KHDRBS2: variants seen among roughly 807,000 people sequenced by gnomAD.
KHDRBS2 encodes KH domain-containing, RNA-binding, signal transduction-associated protein 2.
In KHDRBS2, 26 loss-of-function variants were observed where a neutral mutation model predicts 44.3. The ratio of observed to expected loss-of-function variants is 0.59; its 90% CI spans 0.43 to 0.81. The LOEUF is 0.81. Ranked by LOEUF, KHDRBS2 falls within the 40% of genes least tolerant of loss-of-function variation. KHDRBS2 has a pLI of 0.00. For synonymous variants in KHDRBS2, 194 were observed against 151.1 expected, an observed-to-expected ratio of 1.28 and a Z score of -2.08; for missense variants, 476 against 433.1, an observed-to-expected ratio of 1.10 and a Z score of -0.88.
chr6:61,915,813 T>C (rs1200585075), intron 4 of KHDRBS2, among the ~76,000 whole-genome samples: 1 of 152,004 alleles, frequency 6.6e-6, no homozygotes, highest in Non-Finnish European at 1.5e-5. Flanking sequence ...GAGATTGAAG[T>C]CTTAGGACTT....
intron 4 of KHDRBS2, among the ~76,000 whole-genome samples, chr6:61,955,099 T>C (rs557385448): frequency 4.9e-5 from 6 of 121,828 alleles, no homozygotes; most frequent in East Asian, 5.6e-4. Context: ...TACATATATG[T>C]ATATATACAC....
intron 2 of KHDRBS2, among the ~76,000 whole-genome samples, chr6:62,105,499 G>C (rs1802987661): frequency 6.6e-6 from 1 of 152,126 alleles, no homozygotes; most frequent in African/African-American, 2.4e-5. Context: ...TCCTGGTTTA[G>C]TCTTGGGAGG....
chr6:62,060,182 G>A (rs1239419714), intron 2 of KHDRBS2, among the ~76,000 whole-genome samples: 2 of 151,738 alleles, frequency 1.3e-5, no homozygotes, highest in African/African-American at 2.4e-5. Context: ...CGTTTTGAAG[G>A]GGTGATATAG....
chr6:61,756,100 G>A (rs1461023793), intron 6 of KHDRBS2, among the ~76,000 whole-genome samples: 1 of 151,556 alleles, frequency 6.6e-6, no homozygotes, highest in Non-Finnish European at 1.5e-5. Flanking sequence ...CTTCTGGCAG[G>A]GAAAGTTTAT....
At chr6:62,074,902 T>C (rs704494) in intron 2 of KHDRBS2, among the ~76,000 whole-genome samples, 1,807 of 152,084 alleles carry the variant, frequency 0.012, 14 homozygotes, top group Middle Eastern at 0.031. Flanking sequence ...ATGACAATTT[T>C]CCTGTTTAAT....
chr6:61,962,982 A>C (rs531425619), intron 4 of KHDRBS2, among the ~76,000 whole-genome samples: 61 of 152,232 alleles, frequency 4.0e-4, no homozygotes, highest in Middle Eastern at 6.8e-3. Flanking sequence ...TCTCAATGCT[A>C]AATATTTGTG....
Position 61,721,948 on chromosome 6 carries a change from G to A in KHDRBS2, c.893+10734C>T, listed in dbSNP as rs180972669. Among the ~76,000 whole-genome samples the A allele has an allele frequency of 8.9e-3, 1,294 of 145,784 alleles. 14 individuals carry two copies. Among genetic ancestry groups the A allele is most frequent in the Non-Finnish European group, 0.012 (826 of 66,442 alleles). On this transcript the variant is annotated intron_variant, in intron 7 of 8. Coordinates refer to ENST00000281156, the MANE Select transcript of KHDRBS2 (RefSeq NM_152688.4). The stretch of plus-strand genomic sequence containing the variant: ...GATAGCTCTTATTATTTTGAGATAC[G>A]TCCAATCAATACCTAATTTATTGAG...
At chr6:61,750,632 A>G (rs1410222158) in intron 6 of KHDRBS2, among the ~76,000 whole-genome samples, 1 of 152,188 alleles carries the variant, frequency 6.6e-6, no homozygotes, top group Non-Finnish European at 1.5e-5. Context: ...GTCTTTAGAC[A>G]AAACCGTCTT....
intron 2 of KHDRBS2, among the ~76,000 whole-genome samples, chr6:62,173,183 C>T (rs1343895009): frequency 1.3e-5 from 2 of 150,020 alleles, no homozygotes; most frequent in African/African-American, 2.5e-5. Context: ...AAACCACTAG[C>T]TAGACTAATA....
chr6:61,693,655 G>T (rs1052668963), intron 8 of KHDRBS2, among the ~76,000 whole-genome samples: 1 of 152,104 alleles, frequency 6.6e-6, no homozygotes, highest in Non-Finnish European at 1.5e-5. Flanking sequence ...TTATTATGAA[G>T]AATTTATTGG....
intron 6 of KHDRBS2, among the ~76,000 whole-genome samples, chr6:61,786,824 C>T (rs929412941): frequency 6.6e-6 from 1 of 151,768 alleles, no homozygotes; most frequent in Non-Finnish European, 1.5e-5. Flanking sequence ...CAAATACTCA[C>T]ACACATGTAC....
At chr6:61,956,935 T>TCATCATCATCAC (rs1767492560) in intron 4 of KHDRBS2, among the ~76,000 whole-genome samples, 2 of 151,644 alleles carry the variant, frequency 1.3e-5, no homozygotes, top group African/African-American at 4.9e-5. Context: ...ATCATCATCA[T>TCATCATCATCAC]CATCATCTGT....
chr6:61,600,292 C>T, the KHDRBS2 span, among the ~76,000 whole-genome samples: 2 of 152,082 alleles, frequency 1.3e-5, no homozygotes, highest in Admixed American at 6.5e-5. Flanking sequence ...GTGAAAATGG[C>T]CTGTTCCTGC....
At chr6:62,108,851 A>T (rs1215501761) in intron 2 of KHDRBS2, among the ~76,000 whole-genome samples, 1 of 152,196 alleles carries the variant, frequency 6.6e-6, no homozygotes, top group Non-Finnish European at 1.5e-5. Flanking sequence ...CAAGGACAAA[A>T]AACCAAACAC....
chr6:61,946,620 G>A (rs1047480500), intron 4 of KHDRBS2, among the ~76,000 whole-genome samples: 3 of 152,070 alleles, frequency 2.0e-5, no homozygotes, highest in African/African-American at 7.2e-5. Flanking sequence ...GAAGAAGTGT[G>A]GGCTAGAGAG....
the KHDRBS2 span, among the ~76,000 whole-genome samples, chr6:61,551,186 G>T: frequency 6.6e-6 from 1 of 151,994 alleles, no homozygotes; most frequent in South Asian, 2.1e-4. Context: ...AGCGTCTGTT[G>T]TCCTCTGACC....
At chr6:61,607,142 A>T in the KHDRBS2 span, among the ~76,000 whole-genome samples, 3 of 152,090 alleles carry the variant, frequency 2.0e-5, no homozygotes, top group Non-Finnish European at 4.4e-5. Context: ...AATCATAAAA[A>T]AGGACAAAGT....
intron 2 of KHDRBS2, among the ~76,000 whole-genome samples, chr6:62,073,165 A>G (rs1369985929): frequency 1.3e-5 from 2 of 151,850 alleles, no homozygotes; most frequent in African/African-American, 4.8e-5. Context: ...TTTGAATGGT[A>G]AAACTCATTA....
chr6:61,895,012 T>C (rs538586630), intron 5 of KHDRBS2, among the ~76,000 whole-genome samples, 179 bp from the exon 6 acceptor site: 3 of 151,930 alleles, frequency 2.0e-5, no homozygotes, highest in Non-Finnish European at 4.4e-5. Flanking sequence ...ATAAAGTGTG[T>C]TGATATCTAT....
Sources: allele counts gnomAD v4.1 joint callset (sites outside exome capture counted in the v4.1 genomes callset), GRCh38; gene constraint gnomAD v4.1.1; transcripts MANE v1.5; gene names NCBI Gene and HGNC (gene_info 2026-07-23, HGNC 2026-07-21).